Variants in SUGCT observed in about 807,000 individuals in gnomAD.
The protein encoded by SUGCT is succinyl-CoA:glutarate-CoA transferase.
Under a neutral mutation model 55.0 loss-of-function variants are expected in SUGCT, and 41 were observed. That is an observed-to-expected ratio of 0.74 (90% CI 0.58 to 0.97). The LOEUF (loss-of-function observed/expected upper bound fraction) is 0.97, where lower values mean the gene tolerates loss of function less well. Ranked by LOEUF, SUGCT falls within the 50% of genes least tolerant of loss-of-function variation. SUGCT has a pLI of 0.00. For synonymous variants in SUGCT, 187 were observed against 200.4 expected, an observed-to-expected ratio of 0.93 and a Z score of 0.56; for missense variants, 568 against 547.8, an observed-to-expected ratio of 1.04 and a Z score of -0.37.
At chr7:40,191,875 C>T (rs1562565701) in intron 5 of SUGCT, among the ~76,000 whole-genome samples, 2 of 152,070 alleles carry the variant, frequency 1.3e-5, no homozygotes, top group South Asian at 2.1e-4. Context: ...TTTGGGACGC[C>T]GAGGTGGGCG....
At chr7:40,822,771 C>T (rs10235458) in intron 13 of SUGCT, among the ~76,000 whole-genome samples, 32,435 of 151,676 alleles carry the variant, frequency 0.21, 3,815 homozygotes, top group East Asian at 0.51. Context: ...TATTGTTGAA[C>T]GTGGAGAAAT....
At chr7:40,699,237 G>A (rs1248783947) in intron 12 of SUGCT, among the ~76,000 whole-genome samples, 1 of 152,168 alleles carries the variant, frequency 6.6e-6, no homozygotes, top group Non-Finnish European at 1.5e-5. Context: ...TGCCCTCAGT[G>A]AGGTTTCTAG....
At chr7:40,604,620 C>T (rs1798439460) in intron 12 of SUGCT, among the ~76,000 whole-genome samples, 1 of 152,120 alleles carries the variant, frequency 6.6e-6, no homozygotes, top group African/African-American at 2.4e-5. Flanking sequence ...AGTTTGGGGA[C>T]AGGGGCCTAT....
At chr7:40,987,770 G>C in the SUGCT span, among the ~76,000 whole-genome samples, 1 of 152,124 alleles carries the variant, frequency 6.6e-6, no homozygotes, top group African/African-American at 2.4e-5. Context: ...GGCATTTGTT[G>C]ATATTCCCAC....
intron 9 of SUGCT, among the ~76,000 whole-genome samples, chr7:40,430,351 G>C (rs1451999681): frequency 2.0e-5 from 3 of 152,094 alleles, no homozygotes; most frequent in African/African-American, 7.2e-5. Context: ...CATTTTGATT[G>C]TAGCTATCCC....
chr7:40,295,524 T>A (rs1173224650), intron 8 of SUGCT, among the ~76,000 whole-genome samples: 1 of 152,094 alleles, frequency 6.6e-6, no homozygotes, highest in African/African-American at 2.4e-5. Context: ...TGTAGTGACC[T>A]GAGATTGTGC....
At chr7:40,922,991 G>A in the SUGCT span, among the ~76,000 whole-genome samples, 242 of 152,320 alleles carry the variant, frequency 1.6e-3, 3 homozygotes, top group Admixed American at 0.014. Flanking sequence ...TTGGTAGAAG[G>A]CCATTTTGTA....
At chr7:40,811,798 T>C (rs1791432886) in intron 13 of SUGCT, among the ~76,000 whole-genome samples, 1 of 152,170 alleles carries the variant, frequency 6.6e-6, no homozygotes, top group Non-Finnish European at 1.5e-5. Context: ...TTTCCAGTAC[T>C]GTATTGAATA....
intron 11 of SUGCT, among the ~76,000 whole-genome samples, chr7:40,488,532 A>G (rs186523064): frequency 3.1e-4 from 47 of 152,284 alleles, no homozygotes; most frequent in African/African-American, 1.1e-3. Flanking sequence ...CCATATGAGT[A>G]TATTCTGAAT....
At chr7:40,507,593 A>T (rs1159131411) in intron 12 of SUGCT, among the ~76,000 whole-genome samples, 1 of 152,128 alleles carries the variant, frequency 6.6e-6, no homozygotes, top group Non-Finnish European at 1.5e-5. Flanking sequence ...TTAGATATGG[A>T]CATAGTTGCC....
At chr7:40,405,598 C>A (rs1232205568) in intron 9 of SUGCT, among the ~76,000 whole-genome samples, 1 of 151,944 alleles carries the variant, frequency 6.6e-6, no homozygotes, top group African/African-American at 2.4e-5. Context: ...TCACTTGAGG[C>A]CAGGTGTTCA....
At chr7:40,815,347 G>T (rs1344416438) in intron 13 of SUGCT, among the ~76,000 whole-genome samples, 1 of 152,236 alleles carries the variant, frequency 6.6e-6, no homozygotes, top group Admixed American at 6.5e-5. Flanking sequence ...AGTTCTCTAT[G>T]TGGGACTGAG....
At chr7:40,196,081 C>T (rs1786273889) in intron 6 of SUGCT, among the ~76,000 whole-genome samples, 1 of 152,070 alleles carries the variant, frequency 6.6e-6, no homozygotes, top group African/African-American at 2.4e-5. Context: ...TCAATATATT[C>T]AGAAGCACTA....
intron 12 of SUGCT, among the ~76,000 whole-genome samples, chr7:40,591,957 C>A (rs1797748275): frequency 6.6e-6 from 1 of 152,140 alleles, no homozygotes. Flanking sequence ...TATTACAATA[C>A]TTGCTTTATT....
chr7:40,651,157 T>G (rs901090750), intron 12 of SUGCT, among the ~76,000 whole-genome samples: 1 of 152,222 alleles, frequency 6.6e-6, no homozygotes, highest in African/African-American at 2.4e-5. Context: ...GTCTTTGCTA[T>G]TGTGAATAGT....
At position 40,182,018 on chromosome 7, in the gene SUGCT, G is replaced by A. The variant is rs1785241259; in HGVS notation, c.216G>A (p.Val72=). 4 of 1,589,848 alleles carry A rather than the reference G, an allele frequency of 2.5e-6. No individual in the cohort carries two copies. Among genetic ancestry groups the A allele is most frequent in the Non-Finnish European group, 3.4e-6 (4 of 1,163,824 alleles). The stretch of plus-strand genomic sequence containing the variant: ...ATCTTGGAGCAGAAGTTATAAAAGT[G>A]GAGAGACCAGGTAAAGCTATTACTC... The part of the protein sequence containing the change: ...LGDLGAEVIK[V]ERPGAGDDTR... The change falls in exon 3 of 14, where the codon GTG becomes GTA. Residue 72 remains valine, a synonymous_variant. Coordinates refer to ENST00000335693, the MANE Select transcript of SUGCT (RefSeq NM_001193313.2).
Position 40,595,464 on chromosome 7 carries a change from G to A in SUGCT, c.1089+99078G>A, listed in dbSNP as rs1256895538. On this transcript the variant is annotated intron_variant, in intron 12 of 13. Transcript: ENST00000335693. ...CATACAAAGTTGGGAGCATTTAATT[G>A]ACACGTTGTCATTGATAAAACTGAC... Among the ~76,000 whole-genome samples, 6 of 152,092 alleles carry A rather than the reference G, an allele frequency of 3.9e-5. No homozygotes were observed. The East Asian group carries it at 9.6e-4, about 24-fold the overall frequency.
At chr7:40,916,093 ACACAC>A in the SUGCT span, among the ~76,000 whole-genome samples, 1 of 151,970 alleles carries the variant, frequency 6.6e-6, no homozygotes, top group African/African-American at 2.4e-5. Context: ...ACACACACAC[ACACAC>A]ACACACAGAT....
chr7:40,850,134 C>T (rs1045970706), intron 13 of SUGCT, among the ~76,000 whole-genome samples: 1 of 152,126 alleles, frequency 6.6e-6, no homozygotes, highest in Admixed American at 6.5e-5. Context: ...TTCTGGACCC[C>T]TGAGTTCAGT....
Sources: gnomAD v4.1 joint callset for allele counts (sites outside exome capture counted in the v4.1 genomes callset) on GRCh38, gnomAD v4.1.1 for gene constraint, MANE v1.5 for transcripts, NCBI Gene and HGNC (gene_info 2026-07-23, HGNC 2026-07-21) for gene names.